ATP2C2: variants seen among roughly 807,000 people sequenced by gnomAD.
ATP2C2 encodes ATPase secretory pathway Ca2+ transporting 2, also known as calcium-transporting ATPase type 2C member 2.
ATP2C2 carries 171 observed loss-of-function variants against 110.8 expected under a neutral mutation model. The ratio of observed to expected loss-of-function variants is 1.54; its 90% CI spans 1.36 to 1.75. The LOEUF (loss-of-function observed/expected upper bound fraction) is 1.75, where lower values mean the gene tolerates loss of function less well. Ranked by LOEUF, ATP2C2 falls within the 40% of genes most tolerant of loss-of-function variation. ATP2C2 has a pLI of 0.00. For missense variants in ATP2C2, 1,963 were observed against 1,235.0 expected, an observed-to-expected ratio of 1.59 and a Z score of -8.84; for synonymous variants, 804 against 508.4, an observed-to-expected ratio of 1.58 and a Z score of -7.82.
intron 6 of ATP2C2, among the ~76,000 whole-genome samples, 168 bp from the exon 7 acceptor site, chr16:84,415,315 A>C (rs1949308855): frequency 6.6e-6 from 1 of 152,134 alleles, no homozygotes; most frequent in Admixed American, 6.5e-5. Flanking sequence ...ACTTTCTCTA[A>C]AGTCTTATAG....
chr16:84,408,903 T>C (rs1003552170), intron 4 of ATP2C2, among the ~76,000 whole-genome samples: 1 of 152,114 alleles, frequency 6.6e-6, no homozygotes, highest in Admixed American at 6.5e-5. Flanking sequence ...ATATTGACTA[T>C]TTCACAGTGA....
chr16:84,439,237 G>C lies in ATP2C2; in HGVS notation c.1058G>C (p.Arg353Pro). 3 of 1,612,338 alleles carry C rather than the reference G, an allele frequency of 1.9e-6. No homozygotes were observed. Among genetic ancestry groups the C allele is most frequent in the Non-Finnish European group, 2.5e-6 (3 of 1,180,020 alleles). The change falls in exon 12 of 27, where the codon CGG (arginine) becomes CCG (proline). Residue 353 changes from arginine to proline, a missense_variant. Arg to Pro is a moderately radical substitution (Grantham distance 103). Transcript: ENST00000262429. Reference sequence around the variant, plus strand: ...GTGACGCTGGTCCTGGGAGTGCTGCGGATGGCCAAGAAGCGGGTCATCGTG... The same window carrying C: ...GTGACGCTGGTCCTGGGAGTGCTGCCGATGGCCAAGAAGCGGGTCATCGTG... The part of the protein sequence containing the change: ...VMVTLVLGVL[R>P]MAKKRVIVKK...
Position 84,446,349 on chromosome 16 carries a change from A to C in ATP2C2, c.1422A>C (p.Lys474Asn), listed in dbSNP as rs376718837. ...GCTAGATGGACTTAAGTGATATTAAAAATTCATATATAAGAAAAAAAGAGA... is the reference window on the plus strand; with the variant it reads ...GCTAGATGGACTTAAGTGATATTAACAATTCATATATAAGAAAAAAAGAGA... ...LAMKMDLSDI[K>N]NSYIRKKEIP... Residue 474 changes from lysine to asparagine, a missense_variant, in exon 16 of 27, where the codon AAA (lysine) becomes AAC (asparagine). Physicochemically the swap from Lys to Asn is moderately conservative, Grantham distance 94. Transcript: ENST00000262429. The C allele has an allele frequency of 6.0e-4, 951 of 1,592,656 alleles. 18 individuals are homozygous for C. In the South Asian group the frequency reaches 0.01, roughly 17 times the overall value.
chr16:84,402,329 T>C (rs1905381612), intron 2 of ATP2C2, among the ~76,000 whole-genome samples: 1 of 152,238 alleles, frequency 6.6e-6, no homozygotes, highest in East Asian at 1.9e-4. Context: ...TCTTGTCTGA[T>C]TGCTCTAGCT....
intron 9 of ATP2C2, among the ~76,000 whole-genome samples, 188 bp downstream of exon 9, chr16:84,422,885 A>C (rs1373315332): frequency 6.6e-6 from 1 of 151,988 alleles, no homozygotes; most frequent in African/African-American, 2.4e-5. Flanking sequence ...GGCTGGTCTC[A>C]AACTCCTGAG....
At chr16:84,408,334 C>T (rs575801490) in intron 3 of ATP2C2, 71 bp from the exon 4 acceptor site, 5 of 1,453,054 alleles carry the variant, frequency 3.4e-6, no homozygotes, top group African/African-American at 1.4e-5. Flanking sequence ...ACACAAACTT[C>T]TGCACAGTAA....
intron 1 of ATP2C2, among the ~76,000 whole-genome samples, chr16:84,392,195 C>G (rs904804318): frequency 2.0e-5 from 3 of 152,140 alleles, no homozygotes; most frequent in Non-Finnish European, 2.9e-5. Context: ...ATTGTTTTGA[C>G]ACAAATCTCA....
chr16:84,406,393 T>C (rs1452158674), intron 3 of ATP2C2, among the ~76,000 whole-genome samples: 1 of 152,220 alleles, frequency 6.6e-6, no homozygotes, highest in Non-Finnish European at 1.5e-5. Context: ...TCCAGCCTTT[T>C]GCATGCTCTT....
intron 6 of ATP2C2, among the ~76,000 whole-genome samples, chr16:84,414,868 G>A (rs867026275): frequency 9.9e-5 from 15 of 152,110 alleles, no homozygotes; most frequent in African/African-American, 3.4e-4. Flanking sequence ...GGAGCAGGAG[G>A]GGGTTGGGAT....
At chr16:84,369,924 T>A (rs1909853078) in intron 1 of ATP2C2, among the ~76,000 whole-genome samples, 1 of 152,172 alleles carries the variant, frequency 6.6e-6, no homozygotes, top group Non-Finnish European at 1.5e-5. Flanking sequence ...GGATATAGAG[T>A]TCAATTAATT....
intron 7 of ATP2C2, among the ~76,000 whole-genome samples, chr16:84,421,538 C>G (rs553163658): frequency 6.6e-6 from 1 of 152,100 alleles, no homozygotes; most frequent in Non-Finnish European, 1.5e-5. Flanking sequence ...CTTACATGAC[C>G]AGGTCCCTAG....
At chr16:84,389,917 T>G (rs2151407529) in intron 1 of ATP2C2, among the ~76,000 whole-genome samples, 1 of 152,186 alleles carries the variant, frequency 6.6e-6, no homozygotes, top group East Asian at 1.9e-4. Context: ...GAGACAGGGT[T>G]TCACCATGTT....
At chr16:84,415,690 C>T (rs1314615890) in intron 7 of ATP2C2, 99 bp downstream of exon 7, 24 of 953,858 alleles carry the variant, frequency 2.5e-5, no homozygotes, top group Non-Finnish European at 3.6e-5. Flanking sequence ...CTCTCATACA[C>T]ACATGCTCAA....
chr16:84,371,653 G>A (rs1227547206), intron 1 of ATP2C2, among the ~76,000 whole-genome samples: 6 of 152,216 alleles, frequency 3.9e-5, no homozygotes. Flanking sequence ...CAACTCCGGG[G>A]GAAGCTGTCT....
At chr16:84,449,204 T>C (rs779092629) in intron 17 of ATP2C2, among the ~76,000 whole-genome samples, 3 of 152,240 alleles carry the variant, frequency 2.0e-5, no homozygotes, top group East Asian at 3.8e-4. Context: ...TGGTATTCCC[T>C]TGGGGGAAAG....
intron 3 of ATP2C2, among the ~76,000 whole-genome samples, chr16:84,406,857 C>T (rs867214086): frequency 6.6e-5 from 10 of 152,294 alleles, no homozygotes; most frequent in South Asian, 2.1e-4. Context: ...CCTGGTTATC[C>T]TCCTTCCTCG....
intron 23 of ATP2C2, chr16:84,459,727 C>G: frequency 2.8e-6 from 2 of 721,122 alleles, no homozygotes; most frequent in Non-Finnish European, 4.5e-6. Context: ...CCACTCAATC[C>G]CCTCACCCTG....
Position 84,398,617 on chromosome 16 carries a change from T to A in ATP2C2, c.210+8T>A, listed in dbSNP as rs1164593410. 1.3e-5 allele frequency: 20 copies of A among 1,596,842 alleles called. No homozygotes were observed. The highest frequency in any genetic ancestry group is 1.7e-5 in the Non-Finnish European group (20 of 1,168,808). On this transcript the variant is annotated splice_region_variant and intron_variant, in intron 2 of 26. Coordinates refer to ENST00000262429, the MANE Select transcript of ATP2C2 (RefSeq NM_014861.4). ...TTGGCCAGAGCGTTTTGTGTAAGAA[T>A]TGAATTTGCATCTGGAGCTAATTGT... is the stretch of plus-strand genomic sequence containing the variant.
At chr16:84,463,522 C>T in intron 26 of ATP2C2, 92 bp from the exon 27 acceptor site, 1 of 1,088,698 alleles carries the variant, frequency 9.2e-7, no homozygotes, top group Non-Finnish European at 1.4e-6. Flanking sequence ...GCACCTCTCA[C>T]TTTATCAGGA....
Sources: gnomAD v4.1 joint callset for allele counts (sites outside exome capture counted in the v4.1 genomes callset) on GRCh38, gnomAD v4.1.1 for gene constraint, MANE v1.5 for transcripts, NCBI Gene and HGNC (gene_info 2026-07-23, HGNC 2026-07-21) for gene names.